Variants in NAALADL2 observed in about 807,000 individuals in gnomAD.
NAALADL2 encodes the protein N-acetylated alpha-linked acidic dipeptidase like 2.
A neutral mutation model predicts 87.2 loss-of-function variants in NAALADL2; 76 were observed. That is an observed-to-expected ratio of 0.87 (90% CI 0.72 to 1.05). The LOEUF (loss-of-function observed/expected upper bound fraction) is 1.05, where lower values mean the gene tolerates loss of function less well. Ranked by LOEUF, NAALADL2 falls within the 50% of genes least tolerant of loss-of-function variation. NAALADL2 has a pLI of 0.00. For synonymous variants in NAALADL2, 354 were observed against 331.0 expected (o/e 1.07, Z -0.75); for missense variants, 1,089 against 945.8 (o/e 1.15, Z -1.99).
chr3:175,586,347 A>T (rs1187200209), intron 10 of NAALADL2, among the ~76,000 whole-genome samples: 1 of 152,208 alleles, frequency 6.6e-6, no homozygotes, highest in Non-Finnish European at 1.5e-5. Flanking sequence ...CTTGGCTTAT[A>T]AAGATCACTA....
chr3:175,306,687 C>T (rs1332015181), intron 4 of NAALADL2, among the ~76,000 whole-genome samples: 4 of 151,728 alleles, frequency 2.6e-5, no homozygotes, highest in Non-Finnish European at 5.9e-5. Flanking sequence ...AACAAACAAA[C>T]AAATAAAAAT....
At chr3:174,879,555 G>T (rs903792135) in intron 1 of NAALADL2, among the ~76,000 whole-genome samples, 3 of 151,954 alleles carry the variant, frequency 2.0e-5, no homozygotes, top group Non-Finnish European at 2.9e-5. Flanking sequence ...TTCATATGAT[G>T]TTTTGATTTC....
chr3:174,584,313 A>G (rs933681775), intron 2 of NAALADL2, among the ~76,000 whole-genome samples: 1 of 152,212 alleles, frequency 6.6e-6, no homozygotes, highest in Non-Finnish European at 1.5e-5. Context: ...GTATAAGGTC[A>G]CTGGGTGTAG....
At chr3:174,921,046 A>G (rs1295767556) in intron 1 of NAALADL2, among the ~76,000 whole-genome samples, 1 of 152,216 alleles carries the variant, frequency 6.6e-6, no homozygotes, top group Non-Finnish European at 1.5e-5. Flanking sequence ...CACTGATTAC[A>G]GATCACAATA....
At chr3:175,216,123 A>G (rs74581902) in intron 2 of NAALADL2, among the ~76,000 whole-genome samples, 13,169 of 152,260 alleles carry the variant, frequency 0.086, 647 homozygotes, top group East Asian at 0.15. Flanking sequence ...TTCTTATTTG[A>G]TTTGTAAAAT....
chr3:174,788,577 G>C (rs2109190687), intron 3 of NAALADL2, among the ~76,000 whole-genome samples: 1 of 152,138 alleles, frequency 6.6e-6, no homozygotes, highest in East Asian at 1.9e-4. Context: ...CCAGTAACCA[G>C]TCACACACCC....
intron 13 of NAALADL2, among the ~76,000 whole-genome samples, chr3:175,775,658 C>A (rs1028386672): frequency 6.6e-6 from 1 of 152,060 alleles, no homozygotes; most frequent in African/African-American, 2.4e-5. Context: ...GAAGTCTGTT[C>A]GCCTGAATTC....
At chr3:175,444,947 C>G (rs762621218) in intron 5 of NAALADL2, among the ~76,000 whole-genome samples, 10 of 152,100 alleles carry the variant, frequency 6.6e-5, no homozygotes, top group Non-Finnish European at 1.0e-4. Flanking sequence ...AGGAAACACT[C>G]GTGTAACATA....
rs550706613 is a variant in NAALADL2, at chr3:175,625,201, C to A, written c.1801-2090C>A. Among the ~76,000 whole-genome samples, 3 of 152,056 alleles carry A rather than the reference C, an allele frequency of 2.0e-5. No homozygotes were observed. In the East Asian group the frequency reaches 5.8e-4, roughly 29 times the overall value. Reference sequence around the variant, plus strand: ...TGTGCTAATATTGTTCCACATTTGACCCTTGGATAGTTACAGTTCTATTTA... The same window carrying A: ...TGTGCTAATATTGTTCCACATTTGAACCTTGGATAGTTACAGTTCTATTTA... On this transcript the variant is annotated intron_variant, in intron 10 of 13. Transcript: ENST00000454872.
At chr3:175,228,808 A>G (rs557065525) in intron 2 of NAALADL2, among the ~76,000 whole-genome samples, 1 of 151,938 alleles carries the variant, frequency 6.6e-6, no homozygotes, top group Admixed American at 6.6e-5. Flanking sequence ...TGAGATTTGT[A>G]TATTACAAAT....
chr3:175,737,824 C>A (rs1342310280), intron 12 of NAALADL2, among the ~76,000 whole-genome samples: 1 of 145,492 alleles, frequency 6.9e-6, no homozygotes, highest in Non-Finnish European at 1.5e-5. Context: ...GTGGTATGGG[C>A]CCCATTCCAT....
chr3:175,808,145 G>T lies in NAALADL2; in HGVS notation c.*4942G>T, dbSNP rs1322002977. 6.6e-6 allele frequency: 1 copy of T among 151,890 alleles called. No homozygotes were observed. Among genetic ancestry groups the T allele is most frequent in the East Asian group, 1.9e-4 (1 of 5,188 alleles). The allele number at this position is 151,890 out of a possible 1,614,324, so 9.4% of individuals were successfully genotyped here. A position where few individuals can be genotyped will look rare whatever the true frequency, so the allele number is the denominator to read the frequency against. Reference sequence around the variant, plus strand: ...GCCTGACAAAGATATACACACTGAAGTGCCTTTAGCAGACCTGGGACCGTC... The same window carrying T: ...GCCTGACAAAGATATACACACTGAATTGCCTTTAGCAGACCTGGGACCGTC... On this transcript the variant is annotated 3_prime_UTR_variant, in exon 14 of 14. Transcript: ENST00000454872.
intron 10 of NAALADL2, 48 bp from the exon 11 acceptor site, chr3:175,627,243 A>T (rs1481544363): frequency 2.8e-6 from 4 of 1,438,532 alleles, no homozygotes; most frequent in Admixed American, 4.3e-5. Flanking sequence ...CACTTGAAAA[A>T]CAAAATCGAT....
chr3:174,692,914 T>C (rs375712942), intron 2 of NAALADL2, among the ~76,000 whole-genome samples: 10 of 151,664 alleles, frequency 6.6e-5, no homozygotes, highest in Admixed American at 4.6e-4. Flanking sequence ...AAATTATTGG[T>C]ATAAAAGGTT....
At chr3:174,800,599 A>G (rs1476485883) in intron 3 of NAALADL2, among the ~76,000 whole-genome samples, 1 of 152,180 alleles carries the variant, frequency 6.6e-6, no homozygotes, top group African/African-American at 2.4e-5. Flanking sequence ...CCCCCCCAAC[A>G]GAGTCCCTAC....
intron 2 of NAALADL2, among the ~76,000 whole-genome samples, chr3:174,675,202 T>G (rs1726931392): frequency 6.6e-6 from 1 of 152,086 alleles, no homozygotes; most frequent in Non-Finnish European, 1.5e-5. Flanking sequence ...ACTTTTAAAT[T>G]TACCAATTTA....
chr3:175,305,637 C>T (rs1030556039), intron 4 of NAALADL2, among the ~76,000 whole-genome samples: 4 of 152,098 alleles, frequency 2.6e-5, no homozygotes, highest in African/African-American at 9.7e-5. Context: ...ATTCTCCTGC[C>T]TCAGCCTCCC....
At chr3:174,859,203 TG>T (rs1263241791), upstream of NAALADL2, 1 of 561,154 alleles carries the variant, frequency 1.8e-6, no homozygotes, top group Non-Finnish European at 3.2e-6. Flanking sequence ...AGCCATACAG[TG>T]GATCAAAAGA....
intron 2 of NAALADL2, among the ~76,000 whole-genome samples, chr3:174,605,345 A>G (rs9852035): frequency 0.57 from 86,495 of 151,840 alleles, 25,566 homozygotes; most frequent in African/African-American, 0.66. Flanking sequence ...CACCGTGCGC[A>G]AGCCGAAGCA....
Sources: allele counts gnomAD v4.1 joint callset (sites outside exome capture counted in the v4.1 genomes callset), GRCh38; gene constraint gnomAD v4.1.1; transcripts MANE v1.5; gene names NCBI Gene and HGNC (gene_info 2026-07-23, HGNC 2026-07-21).